C8orf89: variants seen among roughly 807,000 people sequenced by gnomAD.
C8orf89 encodes the protein chromosome 8 open reading frame 89, also known as putative uncharacterized protein C8orf89.
A neutral mutation model predicts 15.8 loss-of-function variants in C8orf89; 14 were observed. The observed-to-expected ratio is 0.89, with a 90% CI of 0.59 to 1.39. C8orf89 has a LOEUF of 1.39. C8orf89 is among the 40% of genes most tolerant of loss of function. The pLI is 0.00. For missense variants in C8orf89, 181 were observed against 184.5 expected (o/e 0.98, Z 0.11); for synonymous variants, 55 against 62.2 (o/e 0.88, Z 0.54).
chr8:73,250,951 A>C (rs898033832), intron 2 of C8orf89, among the ~76,000 whole-genome samples: 4 of 150,888 alleles, frequency 2.7e-5, no homozygotes, highest in Non-Finnish European at 4.4e-5. Flanking sequence ...GCTGCATGTC[A>C]CCACACAAGG....
At chr8:73,274,393 C>T in the C8orf89 span, among the ~76,000 whole-genome samples, 4 of 152,060 alleles carry the variant, frequency 2.6e-5, no homozygotes, top group Non-Finnish European at 4.4e-5. Context: ...CCTTGTGATC[C>T]GCCCACCTCG....
chr8:73,256,502 G>T (rs1033385742), intron 2 of C8orf89, among the ~76,000 whole-genome samples: 2 of 151,898 alleles, frequency 1.3e-5, no homozygotes, highest in African/African-American at 2.4e-5. Flanking sequence ...GGCTGACTTG[G>T]GCAGATGACG....
At chr8:73,259,788 T>C (rs1392172682), upstream of C8orf89, among the ~76,000 whole-genome samples, 1 of 152,220 alleles carries the variant, frequency 6.6e-6, no homozygotes, top group Non-Finnish European at 1.5e-5. Context: ...ACATGTTTTC[T>C]AGATAATCAT....
At chr8:73,262,007 C>G (rs1813538798), upstream of C8orf89, among the ~76,000 whole-genome samples, 1 of 152,168 alleles carries the variant, frequency 6.6e-6, no homozygotes, top group Non-Finnish European at 1.5e-5. Flanking sequence ...AAGACAAACT[C>G]TTTTGATTTC....
the C8orf89 span, among the ~76,000 whole-genome samples, chr8:73,278,739 GTCCTTATAAA>G: frequency 6.6e-6 from 1 of 152,010 alleles, no homozygotes; most frequent in East Asian, 1.9e-4. Context: ...TATTCTCTAA[GTCCTTATAAA>G]TCCATGCTAT....
the C8orf89 span, among the ~76,000 whole-genome samples, chr8:73,271,046 C>T: frequency 6.6e-6 from 1 of 152,174 alleles, no homozygotes; most frequent in Admixed American, 6.5e-5. Context: ...ATCCATGCCA[C>T]CTCAAAGCCC....
At chr8:73,269,713 T>G in the C8orf89 span, among the ~76,000 whole-genome samples, 3 of 152,152 alleles carry the variant, frequency 2.0e-5, no homozygotes, top group Non-Finnish European at 4.4e-5. Flanking sequence ...CCTCCAATAA[T>G]ACAACACAAA....
chr8:73,283,226 T>C, the C8orf89 span, among the ~76,000 whole-genome samples: 182 of 152,314 alleles, frequency 1.2e-3, no homozygotes, highest in African/African-American at 4.1e-3. Context: ...ATAGGAAGCA[T>C]TGGACCATGT....
chr8:73,281,745 G>T, the C8orf89 span, among the ~76,000 whole-genome samples: 2 of 152,228 alleles, frequency 1.3e-5, no homozygotes, highest in Admixed American at 6.5e-5. Context: ...AGAGAAGGTT[G>T]TTTGTCCACT....
chr8:73,265,034 A>T, the C8orf89 span, among the ~76,000 whole-genome samples: 1 of 152,192 alleles, frequency 6.6e-6, no homozygotes, highest in African/African-American at 2.4e-5. Flanking sequence ...CAGAATTGTG[A>T]TGTGCTATAA....
the C8orf89 span, among the ~76,000 whole-genome samples, chr8:73,283,641 G>T: frequency 6.6e-6 from 1 of 152,184 alleles, no homozygotes; most frequent in Non-Finnish European, 1.5e-5. Flanking sequence ...AATCATTCAA[G>T]ATTCTTAAAG....
At chr8:73,277,359 T>G in the C8orf89 span, 1 of 929,062 alleles carries the variant, frequency 1.1e-6, no homozygotes, top group Non-Finnish European at 1.6e-6. Context: ...TTTCACACGA[T>G]CATTTTTTCT....
chr8:73,265,243 A>G, the C8orf89 span, among the ~76,000 whole-genome samples: 323 of 152,326 alleles, frequency 2.1e-3, 2 homozygotes, highest in African/African-American at 7.1e-3. Context: ...GAAATTTTTA[A>G]ATTACATATG....
chr8:73,259,372 A>G lies in C8orf89; in HGVS notation c.87T>C (p.Ser29=), dbSNP rs1007763426. 5 of 1,526,012 alleles carry G rather than the reference A, an allele frequency of 3.3e-6. No individual in the cohort carries two copies. The highest frequency in any genetic ancestry group is 2.4e-5 in the East Asian group (1 of 40,820). The allele number at this position is 1,526,012 out of a possible 1,614,324, so 94.5% of individuals were successfully genotyped here. ...SFGSCLIFES[S]WKKAVLETQK... is the part of the protein sequence containing the mutation. ...GTGTTTCTAAAACTGCTTTCTTCCA[A>G]CTACTCTCAAAAATCAAACAACTGC... is the stretch of plus-strand genomic sequence containing the variant. The change falls in exon 1 of 4, where the codon AGT becomes AGC. Residue 29 remains serine (S), a synonymous_variant. Coordinates refer to ENST00000624510, the MANE Select transcript of C8orf89 (RefSeq NM_001243237.3).
At chr8:73,276,280 G>T in the C8orf89 span, among the ~76,000 whole-genome samples, 1 of 150,824 alleles carries the variant, frequency 6.6e-6, no homozygotes, top group Non-Finnish European at 1.5e-5. Flanking sequence ...AGGTTCAAGC[G>T]ATTCTTCTGC....
chr8:73,261,580 T>G (rs150513903), upstream of C8orf89, among the ~76,000 whole-genome samples: 587 of 152,234 alleles, frequency 3.9e-3, 4 homozygotes, highest in South Asian at 0.021. Context: ...TCCTGGAAAG[T>G]TATTTATTAC....
the C8orf89 span, among the ~76,000 whole-genome samples, chr8:73,275,361 G>C: frequency 2.7e-5 from 4 of 149,852 alleles, no homozygotes; most frequent in South Asian, 8.5e-4. Flanking sequence ...CTCAGCCTCC[G>C]GAGTAGCTGG....
upstream of C8orf89, among the ~76,000 whole-genome samples, chr8:73,263,205 G>A (rs1813560888): frequency 6.6e-6 from 1 of 152,152 alleles, no homozygotes. Context: ...AAATATGGGT[G>A]TATTTAAACA....
chr8:73,263,688 T>C (rs1813569484), upstream of C8orf89, among the ~76,000 whole-genome samples: 1 of 152,182 alleles, frequency 6.6e-6, no homozygotes, highest in African/African-American at 2.4e-5. Flanking sequence ...GCATGGAAGA[T>C]GTAATACTGA....
Sources: allele counts gnomAD v4.1 joint callset (sites outside exome capture counted in the v4.1 genomes callset), GRCh38; gene constraint gnomAD v4.1.1; transcripts MANE v1.5; gene names NCBI Gene and HGNC (gene_info 2026-07-23, HGNC 2026-07-21).